Variants in RFWD3 observed in about 807,000 individuals in gnomAD.
RFWD3 encodes E3 ubiquitin-protein ligase RFWD3.
In RFWD3, 65 loss-of-function variants were observed where a neutral mutation model predicts 87.7. The ratio of observed to expected loss-of-function variants is 0.74; its 90% CI spans 0.61 to 0.91. RFWD3 has a LOEUF of 0.91. Ranked by LOEUF, RFWD3 falls within the 40% of genes least tolerant of loss-of-function variation. The pLI is 0.00. For synonymous variants in RFWD3, 433 were observed against 352.8 expected, an observed-to-expected ratio of 1.23 and a Z score of -2.55; for missense variants, 1,078 against 938.5, an observed-to-expected ratio of 1.15 and a Z score of -1.94.
intron 6 of RFWD3, among the ~76,000 whole-genome samples, chr16:74,643,502 T>C (rs1043682997): frequency 6.6e-6 from 1 of 152,130 alleles, no homozygotes; most frequent in Non-Finnish European, 1.5e-5. Flanking sequence ...GAACAATTAC[T>C]AGATCAAAGG....
intron 11 of RFWD3, among the ~76,000 whole-genome samples, chr16:74,627,183 C>A (rs1425827389): frequency 6.6e-6 from 1 of 152,108 alleles, no homozygotes; most frequent in Non-Finnish European, 1.5e-5. Context: ...ATGAGTAGAC[C>A]CACCCACAAC....
In RFWD3 at chr16:74,632,506, T is replaced by G. The variant is rs187252203; in HGVS notation, c.1577+17A>C. 1.7e-5 allele frequency: 28 copies of G among 1,613,336 alleles called. No individual in the cohort carries two copies. In the East Asian group the frequency reaches 6.2e-4, roughly 36 times the overall value. ...ACCAAAGAGCCCAGTCTCCACCTAC[T>G]TCCCCAAATCACTCACCTGGTCAGT... On this transcript the variant is annotated intron_variant, in intron 9 of 12. Coordinates refer to ENST00000361070, the MANE Select transcript of RFWD3 (RefSeq NM_018124.4).
rs1187718212 is a variant in RFWD3, at chr16:74,644,525, T to A, written c.987+16A>T. On this transcript the variant is annotated intron_variant, in intron 5 of 12. Transcript: ENST00000361070. ...CTGACTTAACATGTTAATGTGTCCT[T>A]ACCTATGGTCCTTACCTGGGGACAT... 8 of 1,614,044 alleles carry A rather than the reference T, an allele frequency of 5.0e-6. No individual in the cohort carries two copies. The highest frequency in any genetic ancestry group is 6.8e-6 in the Non-Finnish European group (8 of 1,179,988).
At chr16:74,634,551 G>T (rs1229759850) in intron 8 of RFWD3, among the ~76,000 whole-genome samples, 2 of 152,008 alleles carry the variant, frequency 1.3e-5, no homozygotes, top group Non-Finnish European at 2.9e-5. Flanking sequence ...CACCAAGCTA[G>T]TTAAGAAAAA....
intron 1 of RFWD3, among the ~76,000 whole-genome samples, chr16:74,663,105 T>G (rs967697806): frequency 5.9e-5 from 9 of 151,964 alleles, no homozygotes; most frequent in South Asian, 2.1e-4. Flanking sequence ...GGGGTTTCAC[T>G]GTGTTAGCCA....
At chr16:74,634,826 G>C (rs1014323034) in intron 8 of RFWD3, among the ~76,000 whole-genome samples, 2 of 151,930 alleles carry the variant, frequency 1.3e-5, no homozygotes, top group African/African-American at 2.4e-5. Flanking sequence ...AGGGGGGAAG[G>C]GGGGCGCAGG....
chr16:74,624,106 C>T (rs374312005), intron 12 of RFWD3, 35 bp from the exon 13 acceptor site: 111 of 1,605,052 alleles, frequency 6.9e-5, no homozygotes, highest in Middle Eastern at 5.1e-4. Context: ...GGTCAGGAGT[C>T]AGTCAGTACA....
intron 6 of RFWD3, among the ~76,000 whole-genome samples, chr16:74,640,145 ATTT>A (rs11358380): frequency 5.1e-5 from 7 of 136,070 alleles, no homozygotes; most frequent in East Asian, 4.3e-4. Flanking sequence ...TGGAAACTTA[ATTT>A]TTTTTTTTTT....
At chr16:74,630,093 G>A (rs1237723572) in intron 10 of RFWD3, among the ~76,000 whole-genome samples, 3 of 152,060 alleles carry the variant, frequency 2.0e-5, no homozygotes, top group African/African-American at 7.2e-5. Flanking sequence ...TGCTAGACAT[G>A]TGGCTATTTT....
intron 8 of RFWD3, among the ~76,000 whole-genome samples, chr16:74,634,868 A>T (rs1959180779): frequency 6.6e-6 from 1 of 151,460 alleles, no homozygotes; most frequent in Non-Finnish European, 1.5e-5. Context: ...GTGGCCAGGC[A>T]TGGTGGCTCA....
intron 2 of RFWD3, among the ~76,000 whole-genome samples, chr16:74,653,643 T>C (rs1441977116): frequency 2.6e-5 from 4 of 152,030 alleles, no homozygotes; most frequent in Admixed American, 6.6e-5. Context: ...TAAGACACCA[T>C]CTCTATTAAA....
intron 10 of RFWD3, 71 bp from the exon 11 acceptor site, chr16:74,628,737 C>T: frequency 1.5e-6 from 2 of 1,361,584 alleles, no homozygotes; most frequent in South Asian, 2.3e-5. Context: ...ACTACCAGAC[C>T]TCAAGCACAT....
In RFWD3 at chr16:74,628,505, A is replaced by G. The variant is rs1555524842; in HGVS notation, c.1916T>C (p.Ile639Thr). The G allele has an allele frequency of 6.2e-7, 1 of 1,614,160 alleles. No individual in the cohort carries two copies. Among genetic ancestry groups the G allele is most frequent in the South Asian group, 1.1e-5 (1 of 91,082 alleles). ...HVLPLEPGGC[I>T]DFQTENSSRH... ...GGAGCTGTTCTCTGTCTGAAAGTCT[A>G]TGCAGCCCCCTGGCTCCAAGGGCAG... Residue 639 changes from isoleucine to threonine, a missense_variant, in exon 11 of 13, where the codon ATA becomes ACA. Coordinates refer to ENST00000361070, the MANE Select transcript of RFWD3 (RefSeq NM_018124.4).
Position 74,623,801 on chromosome 16 carries a change from A to C in RFWD3, c.*127T>G. On this transcript the variant is annotated 3_prime_UTR_variant, in exon 13 of 13. Coordinates refer to ENST00000361070, the MANE Select transcript of RFWD3 (RefSeq NM_018124.4). ...GACCTAGGGTCCTAGAATCATACTA[A>C]TGCAAACAAACCATGATTCCCAATG... is the stretch of plus-strand genomic sequence containing the variant. 1 of 1,027,046 alleles carries C rather than the reference A, an allele frequency of 9.7e-7. No homozygotes were observed. The highest frequency in any genetic ancestry group is 1.5e-5 in the South Asian group (1 of 64,732). The allele number at this position is 1,027,046 out of a possible 1,614,324, so 63.6% of individuals were successfully genotyped here. A position where few individuals can be genotyped will look rare whatever the true frequency, so the allele number is the denominator to read the frequency against.
At chr16:74,665,274 C>G (rs1961789068) in intron 1 of RFWD3, 1 of 152,342 alleles carries the variant, frequency 6.6e-6, no homozygotes, top group Non-Finnish European at 1.5e-5. Flanking sequence ...CAGTGAAATT[C>G]CCATCTCTAC....
chr16:74,635,039 G>T (rs1959182424), intron 8 of RFWD3, among the ~76,000 whole-genome samples: 1 of 152,110 alleles, frequency 6.6e-6, no homozygotes, highest in South Asian at 2.1e-4. Flanking sequence ...CCAGCACTTT[G>T]GGAGGCCGAG....
intron 1 of RFWD3, among the ~76,000 whole-genome samples, chr16:74,666,137 T>C (rs1205894308): frequency 6.6e-6 from 1 of 151,906 alleles, no homozygotes; most frequent in African/African-American, 2.4e-5. Context: ...CCCTGTTCTT[T>C]TACTACATGG....
intron 10 of RFWD3, among the ~76,000 whole-genome samples, chr16:74,630,560 C>T (rs1959062010): frequency 6.6e-6 from 1 of 152,202 alleles, no homozygotes; most frequent in African/African-American, 2.4e-5. Flanking sequence ...TACTATGAAC[C>T]TGGCTATACT....
intron 4 of RFWD3, among the ~76,000 whole-genome samples, chr16:74,648,734 C>G (rs1350703646): frequency 6.6e-6 from 1 of 151,376 alleles, no homozygotes; most frequent in Admixed American, 6.6e-5. Context: ...GAGATCGCAC[C>G]ACCGCACTCC....
Sources: allele counts gnomAD v4.1 joint callset (sites outside exome capture counted in the v4.1 genomes callset), GRCh38; gene constraint gnomAD v4.1.1; transcripts MANE v1.5; gene names NCBI Gene and HGNC (gene_info 2026-07-23, HGNC 2026-07-21).